ADGRA3: variants seen among roughly 807,000 people sequenced by gnomAD.
The protein encoded by ADGRA3 is G-protein coupled receptor 125.
In ADGRA3, 56 loss-of-function variants were observed where a neutral mutation model predicts 119.8. The ratio of observed to expected loss-of-function variants is 0.47; its 90% CI spans 0.38 to 0.58. ADGRA3 has a LOEUF of 0.58. Ranked by LOEUF, ADGRA3 falls within the 20% of genes least tolerant of loss-of-function variation. The probability of loss-of-function intolerance (pLI) is 0.00; values close to 1 mark genes in which losing one functional copy is unlikely to be tolerated. For missense variants in ADGRA3, 1,516 were observed against 1,649.0 expected, an observed-to-expected ratio of 0.92 and a Z score of 1.40; for synonymous variants, 607 against 623.8, an observed-to-expected ratio of 0.97 and a Z score of 0.40.
intron 1 of ADGRA3, among the ~76,000 whole-genome samples, chr4:22,512,501 G>A (rs909714348): frequency 6.6e-6 from 1 of 152,094 alleles, no homozygotes; most frequent in Non-Finnish European, 1.5e-5. Context: ...TTGTAAACAG[G>A]GTCTTTGCAG....
At chr4:22,421,515 C>T (rs1410419380) in intron 11 of ADGRA3, among the ~76,000 whole-genome samples, 4 of 152,156 alleles carry the variant, frequency 2.6e-5, no homozygotes, top group Non-Finnish European at 4.4e-5. Flanking sequence ...GAAATGCACT[C>T]GACACATCTG....
At chr4:22,513,950 G>T (rs1719549981) in intron 1 of ADGRA3, among the ~76,000 whole-genome samples, 1 of 149,306 alleles carries the variant, frequency 6.7e-6, no homozygotes, top group Non-Finnish European at 1.5e-5. Context: ...AGTTTAATTG[G>T]TAATATGCTG....
chr4:22,483,684 A>C (rs929549760), intron 1 of ADGRA3, among the ~76,000 whole-genome samples: 11 of 152,236 alleles, frequency 7.2e-5, no homozygotes, highest in Non-Finnish European at 1.2e-4. Context: ...GTTGGCACAC[A>C]CACAAACTGT....
chr4:22,440,955 C>T (rs1245174071), intron 7 of ADGRA3, among the ~76,000 whole-genome samples: 1 of 152,050 alleles, frequency 6.6e-6, no homozygotes, highest in Non-Finnish European at 1.5e-5. Context: ...ATTAAATCAC[C>T]CTTCCCACAG....
At chr4:22,396,266 A>T (rs1577321438) in intron 16 of ADGRA3, among the ~76,000 whole-genome samples, 1 of 152,214 alleles carries the variant, frequency 6.6e-6, no homozygotes, top group East Asian at 1.9e-4. Context: ...AACCAGAGTG[A>T]GAAGTACCTG....
intron 14 of ADGRA3, among the ~76,000 whole-genome samples, chr4:22,411,198 G>A (rs975584482): frequency 6.6e-6 from 1 of 152,202 alleles, no homozygotes; most frequent in East Asian, 1.9e-4. Flanking sequence ...TTCTGACAAT[G>A]TTGAATATTA....
At chr4:22,443,548 A>C (rs1303382483) in intron 6 of ADGRA3, among the ~76,000 whole-genome samples, 1 of 152,184 alleles carries the variant, frequency 6.6e-6, no homozygotes, top group East Asian at 1.9e-4. Context: ...CAAAGAAATT[A>C]GTCCTTCCAT....
chr4:22,409,037 A>G (rs1207228032), intron 14 of ADGRA3, among the ~76,000 whole-genome samples: 1 of 152,212 alleles, frequency 6.6e-6, no homozygotes, highest in Non-Finnish European at 1.5e-5. Flanking sequence ...TAAAGTCTAA[A>G]AACAGGCCAA....
At chr4:22,433,716 A>G (rs1023148197) in intron 10 of ADGRA3, among the ~76,000 whole-genome samples, 3 of 152,236 alleles carry the variant, frequency 2.0e-5, no homozygotes, top group African/African-American at 4.8e-5. Flanking sequence ...CATTACAATT[A>G]TTCTAGTAAC....
At chr4:22,492,875 C>G (rs1037032947) in intron 1 of ADGRA3, among the ~76,000 whole-genome samples, 2 of 152,220 alleles carry the variant, frequency 1.3e-5, no homozygotes, top group African/African-American at 4.8e-5. Flanking sequence ...AACACTGTCA[C>G]CCACATATAT....
In ADGRA3 at chr4:22,511,895, C is replaced by CTTTTTTT. The variant is rs5856700; in HGVS notation, c.257+3626_257+3632dup. 1.1e-3 allele frequency among the ~76,000 whole-genome samples: 117 copies of CTTTTTTT among 102,616 alleles called. 3 individuals carry two copies. Among genetic ancestry groups the CTTTTTTT allele is most frequent in the African/African-American group, 1.9e-3 (47 of 25,020 alleles). 67.3% of individuals were successfully genotyped at this position (102,616 alleles called of 152,430 possible). On this transcript the variant is annotated intron_variant, in intron 1 of 18. Coordinates refer to ENST00000334304, the MANE Select transcript of ADGRA3 (RefSeq NM_145290.4). ...TTCACAGTTATATTTTTCTTTCTTT[C>CTTTTTTT]TTTTTTTTTTTTTTTTTTTGAGACA...
rs1380644403 is a variant in ADGRA3, at chr4:22,387,600, T to G, written c.*105A>C. 9.2e-7 allele frequency: 1 copy of G among 1,092,118 alleles called. No homozygotes were observed. Among genetic ancestry groups the G allele is most frequent in the African/African-American group, 1.6e-5 (1 of 63,652 alleles). The allele number at this position is 1,092,118 out of a possible 1,614,324, so 67.7% of individuals were successfully genotyped here. A position where few individuals can be genotyped will look rare whatever the true frequency, so the allele number is the denominator to read the frequency against. On this transcript the variant is annotated 3_prime_UTR_variant, in exon 19 of 19. Transcript: ENST00000334304. ...AAACTTCAAAGTTTATTCCAAATTC[T>G]TTTGAATCCCTATGGTGGCTGTAAA...
intron 10 of ADGRA3, among the ~76,000 whole-genome samples, chr4:22,424,725 A>AC (rs1182400106): frequency 1.3e-5 from 2 of 152,172 alleles, no homozygotes; most frequent in Non-Finnish European, 2.9e-5. Context: ...CCATTTATAA[A>AC]CACTTCCTTT....
intron 1 of ADGRA3, among the ~76,000 whole-genome samples, chr4:22,511,705 AC>A (rs1719451510): frequency 6.6e-6 from 1 of 151,964 alleles, no homozygotes; most frequent in African/African-American, 2.4e-5. Flanking sequence ...CTCAGCCCCT[AC>A]AGACTCCTCT....
intron 1 of ADGRA3, among the ~76,000 whole-genome samples, chr4:22,506,891 G>C (rs1719257701): frequency 2.0e-5 from 3 of 152,074 alleles, no homozygotes; most frequent in Non-Finnish European, 4.4e-5. Context: ...AAAACTTATT[G>C]AGCAAGTTTG....
At chr4:22,499,818 T>C (rs544155990) in intron 1 of ADGRA3, among the ~76,000 whole-genome samples, 1 of 152,212 alleles carries the variant, frequency 6.6e-6, no homozygotes, top group South Asian at 2.1e-4. Context: ...GTTAAAATTC[T>C]TTCCTTCAAC....
chr4:22,439,410 C>G (rs1447329756), intron 7 of ADGRA3, among the ~76,000 whole-genome samples: 1 of 152,154 alleles, frequency 6.6e-6, no homozygotes, highest in Non-Finnish European at 1.5e-5. Context: ...CTTCAATTAA[C>G]CTTTATTTCC....
chr4:22,474,615 C>T (rs1343810446), intron 1 of ADGRA3, among the ~76,000 whole-genome samples: 1 of 149,030 alleles, frequency 6.7e-6, no homozygotes, highest in East Asian at 2.0e-4. Flanking sequence ...TGCTAGTTAT[C>T]TGAATTGGGG....
At chr4:22,406,997 C>T (rs1463704015) in intron 14 of ADGRA3, among the ~76,000 whole-genome samples, 2 of 152,122 alleles carry the variant, frequency 1.3e-5, no homozygotes, top group Non-Finnish European at 2.9e-5. Context: ...TAAGGCCGGG[C>T]GCAGTGGCTA....
Sources: allele counts gnomAD v4.1 joint callset (sites outside exome capture counted in the v4.1 genomes callset), GRCh38; gene constraint gnomAD v4.1.1; transcripts MANE v1.5; gene names NCBI Gene and HGNC (gene_info 2026-07-23, HGNC 2026-07-21).